Variants in CDH13 observed in about 807,000 individuals in gnomAD.
CDH13 encodes the protein cadherin-13.
CDH13 carries 24 observed loss-of-function variants against 63.8 expected under a neutral mutation model. The observed-to-expected ratio is 0.38, with a 90% CI of 0.27 to 0.53. CDH13 has a LOEUF of 0.53. Among genes scored for constraint, CDH13 ranks in the 20% least tolerant of loss-of-function variants. CDH13 has a pLI of 0.85. For missense variants in CDH13, 1,049 were observed against 903.1 expected (o/e 1.16, Z -2.07); for synonymous variants, 503 against 355.3 (o/e 1.42, Z -4.67).
intron 6 of CDH13, among the ~76,000 whole-genome samples, chr16:83,391,880 G>C (rs1247108458): frequency 6.6e-6 from 1 of 152,186 alleles, no homozygotes. Context: ...TTTGGGGTTT[G>C]AGTGTAAAAT....
At chr16:83,077,094 A>G (rs181024009) in intron 3 of CDH13, among the ~76,000 whole-genome samples, 9 of 151,474 alleles carry the variant, frequency 5.9e-5, no homozygotes, top group Non-Finnish European at 8.8e-5. Context: ...TTTTATATGA[A>G]TGAAATCGTA....
intron 8 of CDH13, among the ~76,000 whole-genome samples, chr16:83,618,164 C>A (rs1909458923): frequency 6.6e-6 from 1 of 151,870 alleles, no homozygotes; most frequent in Non-Finnish European, 1.5e-5. Context: ...GTGGCTCATG[C>A]CTGTAATACC....
intron 7 of CDH13, among the ~76,000 whole-genome samples, chr16:83,534,588 G>A (rs886437612): frequency 2.0e-5 from 3 of 152,182 alleles, no homozygotes; most frequent in African/African-American, 4.8e-5. Context: ...ATTGGCCCCT[G>A]TCACTTAGCA....
chr16:83,195,771 C>T (rs904305946), intron 4 of CDH13, among the ~76,000 whole-genome samples: 2 of 152,112 alleles, frequency 1.3e-5, no homozygotes, highest in Non-Finnish European at 2.9e-5. Flanking sequence ...GGGAGAGATA[C>T]ATGGATCAGT....
At chr16:83,383,741 C>G (rs78086325) in intron 6 of CDH13, among the ~76,000 whole-genome samples, 60 of 152,228 alleles carry the variant, frequency 3.9e-4, no homozygotes, top group African/African-American at 1.3e-3. Context: ...TTACTGCTTA[C>G]TTTCTTATAC....
chr16:83,339,568 C>G (rs79767927), intron 5 of CDH13, among the ~76,000 whole-genome samples: 1 of 152,174 alleles, frequency 6.6e-6, no homozygotes, highest in East Asian at 1.9e-4. Flanking sequence ...ACACAAAAAC[C>G]AGGATACGGA....
intron 13 of CDH13, among the ~76,000 whole-genome samples, chr16:83,785,046 G>A (rs1361396715): frequency 1.3e-5 from 2 of 152,210 alleles, no homozygotes; most frequent in Non-Finnish European, 2.9e-5. Context: ...GGTTAGAGAT[G>A]GGAGTGGGGA....
chr16:83,017,125 A>G (rs1394209406), intron 2 of CDH13, among the ~76,000 whole-genome samples: 1 of 152,218 alleles, frequency 6.6e-6, no homozygotes, highest in Non-Finnish European at 1.5e-5. Context: ...GCTCTTGACT[A>G]CATTTAGGTG....
chr16:83,447,659 G>A (rs939914404), intron 6 of CDH13, among the ~76,000 whole-genome samples: 6 of 152,018 alleles, frequency 3.9e-5, no homozygotes, highest in African/African-American at 1.4e-4. Context: ...TAAACCAAGT[G>A]TGAGAGTATC....
chr16:83,368,884 T>TTTTATA (rs1491400736), intron 6 of CDH13, among the ~76,000 whole-genome samples: 13 of 47,650 alleles, frequency 2.7e-4, no homozygotes, highest in South Asian at 2.5e-3. Flanking sequence ...GTATTCCATG[T>TTTTATA]TATATATATA....
At chr16:83,677,790 G>A (rs1915082915) in intron 9 of CDH13, among the ~76,000 whole-genome samples, 1 of 152,050 alleles carries the variant, frequency 6.6e-6, no homozygotes, top group Admixed American at 6.6e-5. Flanking sequence ...GTGGGTGTCG[G>A]GGGTACGGAG....
At chr16:83,450,171 A>T (rs567162390) in intron 6 of CDH13, among the ~76,000 whole-genome samples, 2 of 152,304 alleles carry the variant, frequency 1.3e-5, no homozygotes, top group South Asian at 4.1e-4. Flanking sequence ...GAAAGTGCAC[A>T]TTCCCAGATA....
At chr16:83,519,178 A>G (rs2074771340) in intron 7 of CDH13, among the ~76,000 whole-genome samples, 1 of 152,196 alleles carries the variant, frequency 6.6e-6, no homozygotes, top group Admixed American at 6.5e-5. Context: ...GTTAGGAGGC[A>G]GTTCCTACAT....
intron 2 of CDH13, among the ~76,000 whole-genome samples, chr16:82,885,827 T>C (rs910026165): frequency 1.3e-5 from 2 of 151,984 alleles, no homozygotes; most frequent in Non-Finnish European, 2.9e-5. Context: ...AAAAATGGGG[T>C]TAATAATAGT....
chr16:83,204,052 T>A (rs2039110703), intron 4 of CDH13, among the ~76,000 whole-genome samples: 1 of 152,252 alleles, frequency 6.6e-6, no homozygotes, highest in Non-Finnish European at 1.5e-5. Flanking sequence ...TCCCTCGTCC[T>A]GGCTCTGCCA....
intron 2 of CDH13, among the ~76,000 whole-genome samples, chr16:83,014,121 G>C (rs916527284): frequency 6.6e-6 from 1 of 151,940 alleles, no homozygotes; most frequent in African/African-American, 2.4e-5. Context: ...TGAATATTCT[G>C]ACAGATCAGG....
At chr16:83,027,152 T>C (rs887648155) in intron 2 of CDH13, among the ~76,000 whole-genome samples, 35 of 120,762 alleles carry the variant, frequency 2.9e-4, no homozygotes, top group Non-Finnish European at 5.3e-4. Flanking sequence ...TACTAAATCA[T>C]CATTTTGCTC....
chr16:82,890,949 G>A (rs1859757568), intron 2 of CDH13, among the ~76,000 whole-genome samples: 2 of 151,958 alleles, frequency 1.3e-5, no homozygotes, highest in Non-Finnish European at 2.9e-5. Context: ...ACTGTGCCTG[G>A]CCGGCAGCAA....
At chr16:83,305,175 C>T (rs961294441) in intron 5 of CDH13, among the ~76,000 whole-genome samples, 1 of 152,132 alleles carries the variant, frequency 6.6e-6, no homozygotes, top group African/African-American at 2.4e-5. Context: ...GTGGGGCTCT[C>T]CTTGTCTGAG....
Sources: allele counts gnomAD v4.1 joint callset (sites outside exome capture counted in the v4.1 genomes callset), GRCh38; gene constraint gnomAD v4.1.1; transcripts MANE v1.5; gene names NCBI Gene and HGNC (gene_info 2026-07-23, HGNC 2026-07-21).